The following CLK2 variants were observed in gnomAD, a reference collection of about 807,000 sequenced individuals.
CLK2 encodes dual specificity protein kinase CLK2.
CLK2 carries 12 observed loss-of-function variants against 73.5 expected under a neutral mutation model. That is an observed-to-expected ratio of 0.16 (90% CI 0.10 to 0.26). CLK2 has a LOEUF of 0.26. CLK2 is among the 10% of genes least tolerant of loss of function. CLK2 has a pLI of 1.00. For missense variants in CLK2, 509 were observed against 688.4 expected (o/e 0.74, Z 2.92); for synonymous variants, 232 against 237.9 (o/e 0.98, Z 0.23).
chr1:155,267,990 A>G lies in CLK2; in HGVS notation c.671+20T>C, dbSNP rs889361758. On this transcript the variant is annotated intron_variant, in intron 6 of 12. Transcript: ENST00000368361. ...GGGTTGGGGCTCTCAGCCTCCCTAC[A>G]TACTTCCTTGCTTGCTTACTTCTTG... The G allele has an allele frequency of 2.5e-6, 4 of 1,582,626 alleles. No individual in the cohort carries two copies. Among genetic ancestry groups the G allele is most frequent in the Non-Finnish European group, 2.6e-6 (3 of 1,151,564 alleles).
intron 1 of CLK2, among the ~76,000 whole-genome samples, chr1:155,272,763 C>T (rs1168011273): frequency 6.6e-6 from 1 of 152,122 alleles, no homozygotes; most frequent in Non-Finnish European, 1.5e-5. Flanking sequence ...AGCACTGTCC[C>T]CTCAAAACAT....
Position 155,268,819 on chromosome 1 carries a change from G to C in CLK2, c.400-24C>G. Reference sequence around the variant, plus strand: ...TGCTGTCGGGGGGCAGGGGGGGTCGGAGCAAGCCAGGTGTCGGAGCGGGGG... The same window carrying C: ...TGCTGTCGGGGGGCAGGGGGGGTCGCAGCAAGCCAGGTGTCGGAGCGGGGG... On this transcript the variant is annotated intron_variant, in intron 3 of 12. Coordinates refer to ENST00000368361, the MANE Select transcript of CLK2 (RefSeq NM_001294338.2). This position sits in a 1 kb window ranked among gnomAD's most constrained non-coding sequence, Gnocchi z 5.6. The C allele has an allele frequency of 1.4e-6, 2 of 1,471,826 alleles. No homozygotes were observed. The highest frequency in any genetic ancestry group is 1.9e-6 in the Non-Finnish European group (2 of 1,078,268). The allele number at this position is 1,471,826 out of a possible 1,614,324, so 91.2% of individuals were successfully genotyped here.
chr1:155,271,501 G>C (rs1186629263), intron 1 of CLK2, among the ~76,000 whole-genome samples: 1 of 152,178 alleles, frequency 6.6e-6, no homozygotes, highest in Non-Finnish European at 1.5e-5. Flanking sequence ...TGGGATTACA[G>C]GCGTGAGCCA....
At chr1:155,269,398 T>G (rs962717981) in intron 3 of CLK2, 90 bp downstream of exon 3, 62 of 1,170,724 alleles carry the variant, frequency 5.3e-5, no homozygotes, top group Middle Eastern at 5.2e-4. Context: ...GCCCCAATGT[T>G]CAGCTGAGAA....
chr1:155,262,997 G>A lies in CLK2; in HGVS notation c.*221C>T, dbSNP rs912484045. The A allele has an allele frequency of 1.0e-5, 5 of 478,228 alleles. No homozygotes were observed. Among genetic ancestry groups the A allele is most frequent in the Non-Finnish European group, 1.4e-5 (4 of 276,622 alleles). The allele number at this position is 478,228 out of a possible 1,614,324, so 29.6% of individuals were successfully genotyped here. A position where few individuals can be genotyped will look rare whatever the true frequency, so the allele number is the denominator to read the frequency against. On this transcript the variant is annotated 3_prime_UTR_variant, in exon 13 of 13. Coordinates refer to ENST00000368361, the MANE Select transcript of CLK2 (RefSeq NM_001294338.2). ...AACTCCGTATGAGGGGGCAGGTGAG[G>A]GTGGAAACTGTGTGGATGGAATAGT...
At chr1:155,267,550 G>A (rs944513626) in intron 6 of CLK2, among the ~76,000 whole-genome samples, 1 of 152,174 alleles carries the variant, frequency 6.6e-6, no homozygotes, top group Non-Finnish European at 1.5e-5. Flanking sequence ...TTCACCACTA[G>A]CTACCACTGG....
At position 155,270,801 on chromosome 1, in the gene CLK2, G is replaced by T. The variant is rs766779649; in HGVS notation, c.170+7C>A. Reference sequence around the variant, plus strand: ...CTGTGTTTGAGTATCTCTTCCTGAGGCCTCACCTTCGAGAACGGACATGGT... The same window carrying T: ...CTGTGTTTGAGTATCTCTTCCTGAGTCCTCACCTTCGAGAACGGACATGGT... On this transcript the variant is annotated splice_region_variant and intron_variant, in intron 2 of 12. Coordinates refer to ENST00000368361, the MANE Select transcript of CLK2 (RefSeq NM_001294338.2). 6.2e-7 allele frequency: 1 copy of T among 1,602,114 alleles called. No individual in the cohort carries two copies. The highest frequency in any genetic ancestry group is 1.3e-5 in the African/African-American group (1 of 74,850).
At position 155,263,839 on chromosome 1, in the gene CLK2, T is replaced by A. The variant is rs114539447; in HGVS notation, c.1317+111A>T. 2,976 of 1,365,254 alleles carry A rather than the reference T, an allele frequency of 2.2e-3. 6 individuals are homozygous for A. Among genetic ancestry groups the A allele is most frequent in the Non-Finnish European group, 2.5e-3 (2,420 of 985,794 alleles). 84.6% of individuals were successfully genotyped at this position (1,365,254 alleles called of 1,614,324 possible). On this transcript the variant is annotated intron_variant, in intron 12 of 12. Coordinates refer to ENST00000368361, the MANE Select transcript of CLK2 (RefSeq NM_001294338.2). The stretch of plus-strand genomic sequence containing the variant: ...CAAAGATGTCTTCTTTCAGCTTTCC[T>A]CCCCTCCTTTCCTAACCCTCTGCTT...
chr1:155,266,014 C>G, intron 7 of CLK2, 60 bp from the exon 8 acceptor site: 1 of 1,178,118 alleles, frequency 8.5e-7, no homozygotes, highest in South Asian at 1.2e-5. Flanking sequence ...CTGGTATCAG[C>G]TGACCCCAGG....
chr1:155,268,433 A>G lies in CLK2; in HGVS notation c.488-74T>C. 1.6e-6 allele frequency: 2 copies of G among 1,236,440 alleles called. No homozygotes were observed. The highest frequency in any genetic ancestry group is 1.9e-4 in the Middle Eastern group (1 of 5,172). 76.6% of individuals were successfully genotyped at this position (1,236,440 alleles called of 1,614,324 possible). On this transcript the variant is annotated intron_variant, in intron 4 of 12. Coordinates refer to ENST00000368361, the MANE Select transcript of CLK2 (RefSeq NM_001294338.2). This position sits in a 1 kb window ranked among gnomAD's most constrained non-coding sequence, Gnocchi z 5.6. Reference sequence around the variant, plus strand: ...GGAATGAGCTGAGTTGGAAGAAAAAAGGGGACAGCAACCTGGGGTGGAGAT... The same window carrying G: ...GGAATGAGCTGAGTTGGAAGAAAAAGGGGGACAGCAACCTGGGGTGGAGAT...
Position 155,263,186 on chromosome 1 carries a change from TAA to T in CLK2, c.*30_*31del, listed in dbSNP as rs527508796. 1.3e-3 allele frequency: 2,091 copies of T among 1,592,528 alleles called. 9 individuals carry two copies. The highest frequency in any genetic ancestry group is 6.4e-3 in the Middle Eastern group (33 of 5,174). On this transcript the variant is annotated 3_prime_UTR_variant, in exon 13 of 13. Transcript: ENST00000368361. ...GTCCTGGACTGGACACCCACTGCTA[TAA>T]AAGATGCAGGGGGGCCCAGGGCCTG...
rs1430381733 is a variant in CLK2, at chr1:155,263,940, C to G, written c.1317+10G>C. On this transcript the variant is annotated intron_variant, in intron 12 of 12. Transcript: ENST00000368361. ...GACGGTGGGCACTATTTATCCCGAGCCCAGCTCACCCGCAGCGGTTTGCAG... is the reference window on the plus strand; with the variant it reads ...GACGGTGGGCACTATTTATCCCGAGGCCAGCTCACCCGCAGCGGTTTGCAG... 6.2e-7 allele frequency: 1 copy of G among 1,613,454 alleles called. No individual in the cohort carries two copies.
rs759396383 is a variant in CLK2, at chr1:155,268,382, C to T, written c.488-23G>A. ...CATCTGAAATGAAAGAGAGCAGGGT[C>T]GGGGAGAGGGAGGGAGAGAAGGTGG... On this transcript the variant is annotated intron_variant, in intron 4 of 12. Transcript: ENST00000368361. This position sits in a 1 kb window ranked among gnomAD's most constrained non-coding sequence, Gnocchi z 5.6. 25 of 1,608,416 alleles carry T rather than the reference C, an allele frequency of 1.6e-5. No individual in the cohort carries two copies. Among genetic ancestry groups the T allele is most frequent in the South Asian group, 3.3e-5 (3 of 90,930 alleles).
chr1:155,263,492 G>T, intron 12 of CLK2, 92 bp from the exon 13 acceptor site: 1 of 1,513,650 alleles, frequency 6.6e-7, no homozygotes, highest in Non-Finnish European at 8.8e-7. Flanking sequence ...GAGAACCAAG[G>T]CTCTGCTTGC....
rs1273285679 is a variant in CLK2 at position 155,269,683 on chromosome 1, C to CGCCG, written c.203_204insCGGC (p.Tyr69GlyfsTer3). 1 of 1,614,122 alleles carries CGCCG rather than the reference C, an allele frequency of 6.2e-7. No homozygotes were observed. The highest frequency in any genetic ancestry group is 8.5e-7 in the Non-Finnish European group (1 of 1,180,056). ...AGCTGCCACAGTATCGCCGGTCATA[C>CGCCG]ACCCTCCGGTCGGACGAACGATCAT... On this transcript the variant is annotated frameshift_variant, in exon 3 of 13. Coordinates refer to ENST00000368361, the MANE Select transcript of CLK2 (RefSeq NM_001294338.2). LOFTEE classifies it high-confidence loss of function.
rs750330644 is a variant in CLK2 at position 155,268,800 on chromosome 1, CGG to C, written c.400-7_400-6del. ...GGCTCTCCGGCTGCTGTGCTGCTGT[CGG>C]GGGGCAGGGGGGGTCGGAGCAAGCC... is the stretch of plus-strand genomic sequence containing the variant. On this transcript the variant is annotated splice_region_variant and splice_polypyrimidine_tract_variant and intron_variant, in intron 3 of 12. Coordinates refer to ENST00000368361, the MANE Select transcript of CLK2 (RefSeq NM_001294338.2). This position sits in a 1 kb window ranked among gnomAD's most constrained non-coding sequence, Gnocchi z 5.6. 2 of 1,185,032 alleles carry C rather than the reference CGG, an allele frequency of 1.7e-6. No homozygotes were observed. The highest frequency in any genetic ancestry group is 2.7e-5 in the Admixed American group (1 of 37,106). 73.4% of individuals were successfully genotyped at this position (1,185,032 alleles called of 1,614,324 possible). A position where few individuals can be genotyped will look rare whatever the true frequency, so the allele number is the denominator to read the frequency against.
In CLK2 at chr1:155,268,636, A is replaced by T; in HGVS notation, c.487+72T>A. ...GAGAAAAGGCAAGAGGCTGTGACTC[A>T]GGTTGGCTTGGGACGTTAGGATGGC... On this transcript the variant is annotated intron_variant, in intron 4 of 12. Transcript: ENST00000368361. This position sits in a 1 kb window ranked among gnomAD's most constrained non-coding sequence, Gnocchi z 5.6. The T allele has an allele frequency of 7.3e-7, 1 of 1,371,908 alleles. No homozygotes were observed. Among genetic ancestry groups the T allele is most frequent in the Non-Finnish European group, 1.0e-6 (1 of 959,686 alleles). The allele number at this position is 1,371,908 out of a possible 1,614,324, so 85.0% of individuals were successfully genotyped here.
In CLK2 at chr1:155,268,861, T is replaced by TGGGGGGGGGGGG; in HGVS notation, c.400-67_400-66insCCCCCCCCCCCC. ...GAGCGGGGGCCGGAGGGAGGCGGGG[T>TGGGGGGGGGGGG]GGGTGGTAGAGGGGTCACCGGTCAC... On this transcript the variant is annotated intron_variant, in intron 3 of 12. Coordinates refer to ENST00000368361, the MANE Select transcript of CLK2 (RefSeq NM_001294338.2). The surrounding 1 kb of genome is among the most constrained non-coding windows in gnomAD (Gnocchi z 5.6). 4.2e-6 allele frequency: 1 copy of TGGGGGGGGGGGG among 237,792 alleles called. No individual in the cohort carries two copies. The highest frequency in any genetic ancestry group is 7.5e-6 in the Non-Finnish European group (1 of 134,184). The allele number at this position is 237,792 out of a possible 1,614,324, so 14.7% of individuals were successfully genotyped here.
At chr1:155,263,513 A>T in intron 12 of CLK2, 113 bp from the exon 13 acceptor site, 1 of 1,477,380 alleles carries the variant, frequency 6.8e-7, no homozygotes, top group Non-Finnish European at 9.0e-7. Context: ...AACCAATTTG[A>T]AGGCTACCTA....
Sources: gnomAD v4.1 joint callset for allele counts (sites outside exome capture counted in the v4.1 genomes callset) on GRCh38, gnomAD v4.1.1 for gene constraint, Gnocchi (gnomAD v3.1) non-coding constraint, MANE v1.5 for transcripts, NCBI Gene and HGNC (gene_info 2026-07-23, HGNC 2026-07-21) for gene names.